PKN2: variants seen among roughly 807,000 people sequenced by gnomAD.
PKN2 encodes protein kinase N2.
In PKN2, 38 loss-of-function variants were observed where a neutral mutation model predicts 119.1. That is an observed-to-expected ratio of 0.32 (90% CI 0.25 to 0.42). The LOEUF (loss-of-function observed/expected upper bound fraction) is 0.42. PKN2 is among the 10% of genes least tolerant of loss of function. The pLI is 1.00. For missense variants in PKN2, 850 were observed against 1,165.1 expected, an observed-to-expected ratio of 0.73 and a Z score of 3.94; for synonymous variants, 390 against 384.9, an observed-to-expected ratio of 1.01 and a Z score of -0.15.
chr1:88,834,451 CTTA>C lies in PKN2; in HGVS notation c.*1009_*1011del, dbSNP rs1177079285. ...GTTTTAATGTATTCTATGTTGTAGGCTTATTATTTAATTTTACCACTTCATCAC... is the reference window on the plus strand; with the variant it reads ...GTTTTAATGTATTCTATGTTGTAGGCTTATTTAATTTTACCACTTCATCAC... On this transcript the variant is annotated 3_prime_UTR_variant, in exon 22 of 22. Coordinates refer to ENST00000370521, the MANE Select transcript of PKN2 (RefSeq NM_006256.4). 5 of 152,482 alleles carry C rather than the reference CTTA, an allele frequency of 3.3e-5. No homozygotes were observed. The highest frequency in any genetic ancestry group is 9.6e-5 in the African/African-American group (4 of 41,514). 9.4% of individuals were successfully genotyped at this position (152,482 alleles called of 1,614,324 possible). A position where few individuals can be genotyped will look rare whatever the true frequency, so the allele number is the denominator to read the frequency against.
chr1:88,821,989 C>G lies in PKN2; in HGVS notation c.2328C>G (p.His776Gln). The G allele has an allele frequency of 6.4e-7, 1 of 1,571,516 alleles. No individual in the cohort carries two copies. Among genetic ancestry groups the G allele is most frequent in the South Asian group, 1.2e-5 (1 of 83,400 alleles). Residue 776 changes from histidine to glutamine, a missense_variant, in exon 17 of 22, where the codon CAC (histidine) becomes CAG (glutamine). Physicochemically the swap from His to Gln is conservative, Grantham distance 24. This residue lies in a region of PKN2 where 55 missense variants were observed against 85.9 expected (regional missense o/e 0.64). Transcript: ENST00000370521. ...TTGGGTTGCAGTATTTACATGAACA[C>G]AAAATTGTTTATAGGTAAGTTAATT... ...VVLGLQYLHE[H>Q]KIVYRDLKLD...
chr1:88,823,730 G>C (rs961114859), intron 17 of PKN2, among the ~76,000 whole-genome samples: 1 of 130,586 alleles, frequency 7.7e-6, no homozygotes, highest in African/African-American at 2.9e-5. Context: ...AAAAAAAAAG[G>C]CTGGGTGTGG....
At chr1:88,784,488 G>A in intron 6 of PKN2, 151 bp from the exon 7 acceptor site, 1 of 417,208 alleles carries the variant, frequency 2.4e-6, no homozygotes, top group Non-Finnish European at 4.2e-6. Flanking sequence ...ATTAAAATAG[G>A]AAAGATGATA....
intron 1 of PKN2, among the ~76,000 whole-genome samples, chr1:88,705,615 G>A (rs55872619): frequency 0.019 from 2,916 of 152,012 alleles, 102 homozygotes; most frequent in African/African-American, 0.066. Context: ...GGAGAATGGC[G>A]TGAACCTGGG....
intron 3 of PKN2, among the ~76,000 whole-genome samples, chr1:88,761,859 T>C (rs1474489535): frequency 6.6e-6 from 1 of 152,190 alleles, no homozygotes; most frequent in Non-Finnish European, 1.5e-5. Context: ...TGTGCTGTTA[T>C]TTTTAGCACT....
intron 15 of PKN2, 83 bp downstream of exon 15, chr1:88,807,858 TTA>T (rs1159931860): frequency 1.1e-5 from 8 of 750,906 alleles, no homozygotes; most frequent in Non-Finnish European, 1.6e-5. Context: ...CAGCAAAACT[TTA>T]TGATTTTACA....
intron 2 of PKN2, among the ~76,000 whole-genome samples, chr1:88,744,717 G>A (rs1166347069): frequency 6.6e-6 from 1 of 152,120 alleles, no homozygotes; most frequent in South Asian, 2.1e-4. Flanking sequence ...CATCCTGCCC[G>A]GCTAGGGACT....
chr1:88,699,049 A>G (rs890938851), intron 1 of PKN2, among the ~76,000 whole-genome samples: 3 of 151,932 alleles, frequency 2.0e-5, no homozygotes, highest in Non-Finnish European at 4.4e-5. Flanking sequence ...GACAAGGTTT[A>G]TATTTCTATT....
intron 1 of PKN2, among the ~76,000 whole-genome samples, chr1:88,738,291 A>G (rs1266156404): frequency 6.6e-6 from 1 of 152,260 alleles, no homozygotes; most frequent in African/African-American, 2.4e-5. Context: ...TAAGGTACAC[A>G]ATATCAGAGC....
intron 1 of PKN2, among the ~76,000 whole-genome samples, chr1:88,685,949 T>C (rs1490746348): frequency 6.6e-6 from 1 of 152,152 alleles, no homozygotes; most frequent in African/African-American, 2.4e-5. Context: ...TCCACAAAAA[T>C]AGAGACTTTA....
At chr1:88,790,046 G>A (rs1670752462) in intron 8 of PKN2, among the ~76,000 whole-genome samples, 1 of 152,162 alleles carries the variant, frequency 6.6e-6, no homozygotes, top group African/African-American at 2.4e-5. Context: ...ACAACTCTAT[G>A]TAAGCAGGTA....
chr1:88,821,900 TA>T (rs1557636197), intron 16 of PKN2, 40 bp from the exon 17 acceptor site: 1 of 1,465,318 alleles, frequency 6.8e-7, no homozygotes, highest in East Asian at 2.4e-5. Flanking sequence ...TCAAGAGCAA[TA>T]AAATTTATTA....
chr1:88,823,244 A>AAAATGGAT (rs1672366629), intron 17 of PKN2, among the ~76,000 whole-genome samples: 1 of 152,180 alleles, frequency 6.6e-6, no homozygotes, highest in South Asian at 2.1e-4. Flanking sequence ...TAAATTGAAA[A>AAAATGGAT]AAATGGATAA....
At chr1:88,700,930 T>G (rs540967987) in intron 1 of PKN2, among the ~76,000 whole-genome samples, 1 of 152,198 alleles carries the variant, frequency 6.6e-6, no homozygotes, top group Non-Finnish European at 1.5e-5. Context: ...TTGGTATTTA[T>G]GAGGGAGCAG....
intron 1 of PKN2, among the ~76,000 whole-genome samples, chr1:88,694,670 T>C (rs944696631): frequency 5.3e-5 from 8 of 152,174 alleles, no homozygotes; most frequent in African/African-American, 1.7e-4. Context: ...TTTAGATTTG[T>C]AAGAAACTCC....
intron 2 of PKN2, among the ~76,000 whole-genome samples, chr1:88,751,042 G>A (rs1380193249): frequency 2.0e-5 from 3 of 152,118 alleles, no homozygotes; most frequent in Non-Finnish European, 4.4e-5. Context: ...GTACAAATTT[G>A]TAGCATGGTA....
At position 88,782,281 on chromosome 1, in the gene PKN2, C is replaced by CT. The variant is rs1451484275; in HGVS notation, c.986-2355dup. Among the ~76,000 whole-genome samples the CT allele has an allele frequency of 6.6e-5, 10 of 151,932 alleles. No homozygotes were observed. In the South Asian group the frequency reaches 2.1e-3, roughly 32 times the overall value. ...TTTTGAGAAATTGGATTATGGTGTGCTTTAGTATGGCTTGCTTCTGTTTCT... is the reference window on the plus strand; with the variant it reads ...TTTTGAGAAATTGGATTATGGTGTGCTTTTAGTATGGCTTGCTTCTGTTTCT... On this transcript the variant is annotated intron_variant, in intron 6 of 21. Transcript: ENST00000370521.
At chr1:88,741,402 G>A (rs2100745452) in intron 2 of PKN2, 114 bp downstream of exon 2, 2 of 645,716 alleles carry the variant, frequency 3.1e-6, no homozygotes, top group Non-Finnish European at 4.8e-6. Flanking sequence ...TGAAAGTAGA[G>A]AGACTTTTTC....
At chr1:88,766,043 C>T (rs1029398724) in intron 3 of PKN2, among the ~76,000 whole-genome samples, 1 of 152,188 alleles carries the variant, frequency 6.6e-6, no homozygotes. Flanking sequence ...GAACTCCTGA[C>T]CTTAGATGAT....
Sources: gnomAD v4.1 joint callset for allele counts (sites outside exome capture counted in the v4.1 genomes callset) on GRCh38, gnomAD v4.1.1 for gene constraint, gnomAD v4.1.1 regional missense constraint, MANE v1.5 for transcripts, NCBI Gene and HGNC (gene_info 2026-07-23, HGNC 2026-07-21) for gene names.